Variants in ALDH6A1 observed in about 807,000 individuals in gnomAD.
The protein encoded by ALDH6A1 is aldehyde dehydrogenase 6 family member A1, also known as methylmalonate-semialdehyde/malonate-semialdehyde dehydrogenase [acylating], mitochondrial.
ALDH6A1 carries 43 observed loss-of-function variants against 62.6 expected under a neutral mutation model. The observed-to-expected ratio is 0.69, with a 90% CI of 0.54 to 0.89. The LOEUF (loss-of-function observed/expected upper bound fraction) is 0.89. Ranked by LOEUF, ALDH6A1 falls within the 40% of genes least tolerant of loss-of-function variation. The pLI, the probability that ALDH6A1 is intolerant of heterozygous loss-of-function variation, is 0.00. For missense variants in ALDH6A1, 551 were observed against 661.3 expected, an observed-to-expected ratio of 0.83 and a Z score of 1.83; for synonymous variants, 194 against 234.2, an observed-to-expected ratio of 0.83 and a Z score of 1.57.
At chr14:74,067,957 TG>T (rs2060494735) in intron 7 of ALDH6A1, among the ~76,000 whole-genome samples, 1 of 149,624 alleles carries the variant, frequency 6.7e-6, no homozygotes, top group South Asian at 2.1e-4. Context: ...AACAGGAATT[TG>T]TTGTCTGCTG....
At chr14:74,065,663 G>T in intron 9 of ALDH6A1, 3 of 318,912 alleles carry the variant, frequency 9.4e-6, no homozygotes, top group South Asian at 3.9e-5. Flanking sequence ...TGAACGACTA[G>T]TTTCATCCAA....
rs1246449149 is a variant in ALDH6A1 at position 74,071,438 on chromosome 14, T to C, written c.487A>G (p.Ile163Val). Reference protein sequence around the residue: ...SLMMGETMPSITKDMDLYSYR... With the variant: ...SLMMGETMPSVTKDMDLYSYR... ...GAATAAAGGTCCATGTCTTTGGTGA[T>C]GGATGGCATGGTCTCTCCCATCATG... is the stretch of plus-strand genomic sequence containing the variant. The change falls in exon 6 of 12, where the codon ATC (isoleucine) becomes GTC (valine). Residue 163 changes from isoleucine (I) to valine (V), a missense_variant. Ile to Val is a conservative substitution (Grantham distance 29). Transcript: ENST00000553458. 3.1e-6 allele frequency: 5 copies of C among 1,614,060 alleles called. No individual in the cohort carries two copies. The highest frequency in any genetic ancestry group is 4.2e-6 in the Non-Finnish European group (5 of 1,180,036).
At chr14:74,071,613 A>G in intron 5 of ALDH6A1, 116 bp from the exon 6 acceptor site, 2 of 1,584,322 alleles carry the variant, frequency 1.3e-6, no homozygotes, top group Admixed American at 1.8e-5. Flanking sequence ...GGTGCAGGGT[A>G]CACTGACTTG....
Position 74,057,166 on chromosome 14 carries a change from A to G in ALDH6A1, c.*3476T>C, listed in dbSNP as rs3742809. 315,455 of 1,612,108 alleles carry G rather than the reference A, an allele frequency of 0.2. 34,578 individuals carry two copies. Among genetic ancestry groups the G allele is most frequent in the South Asian group, 0.43 (39,267 of 90,972 alleles). On this transcript the variant is annotated 3_prime_UTR_variant, in exon 12 of 12. Transcript: ENST00000553458. ...CAGGGATGAAAGTAAGCTTCAAGAT[A>G]AAATCTTCATCACCCAGCAAATTGC... is the stretch of plus-strand genomic sequence containing the variant.
At chr14:74,075,707 A>C (rs2060605594) in intron 1 of ALDH6A1, among the ~76,000 whole-genome samples, 1 of 152,236 alleles carries the variant, frequency 6.6e-6, no homozygotes, top group South Asian at 2.1e-4. Context: ...GTATATAATC[A>C]ATGTAAATAT....
chr14:74,079,614 A>G, intron 1 of ALDH6A1, among the ~76,000 whole-genome samples: 1 of 151,240 alleles, frequency 6.6e-6, no homozygotes. Flanking sequence ...TTGTATTTTT[A>G]GTAGAGATGG....
chr14:74,065,029 C>T, intron 10 of ALDH6A1, 109 bp from the exon 11 acceptor site: 1 of 1,374,002 alleles, frequency 7.3e-7, no homozygotes, highest in South Asian at 1.2e-5. Flanking sequence ...ACCCTATCCT[C>T]TACCCCATGA....
chr14:74,075,371 A>C (rs928124465), intron 1 of ALDH6A1, among the ~76,000 whole-genome samples: 4 of 152,194 alleles, frequency 2.6e-5, no homozygotes, highest in African/African-American at 9.6e-5. Flanking sequence ...ATATAAAATC[A>C]ATGTGCTGGG....
chr14:74,077,964 G>A (rs1219966832), intron 1 of ALDH6A1, among the ~76,000 whole-genome samples: 2 of 152,146 alleles, frequency 1.3e-5, no homozygotes, highest in African/African-American at 2.4e-5. Flanking sequence ...TGTAAATAAC[G>A]GCACGGTGAT....
At chr14:74,066,367 C>T (rs2060465087) in intron 9 of ALDH6A1, among the ~76,000 whole-genome samples, 1 of 152,152 alleles carries the variant, frequency 6.6e-6, no homozygotes, top group South Asian at 2.1e-4. Context: ...ATATCAGTGT[C>T]CATAAATAAC....
rs958636681 is a variant in ALDH6A1, at chr14:74,074,003, T to A, written c.111+952A>T. On this transcript the variant is annotated intron_variant, in intron 2 of 11. Coordinates refer to ENST00000553458, the MANE Select transcript of ALDH6A1 (RefSeq NM_005589.4). Reference sequence around the variant, plus strand: ...CACTTTAACTAATTTTTTTTTTTTTTAACATAGAGTCTACTTTGTCACCCA... The same window carrying A: ...CACTTTAACTAATTTTTTTTTTTTTAAACATAGAGTCTACTTTGTCACCCA... Among the ~76,000 whole-genome samples the A allele has an allele frequency of 4.7e-4, 66 of 139,024 alleles. 1 individual carries two copies. The highest frequency in any genetic ancestry group is 6.2e-5 in the Non-Finnish European group (4 of 64,584). 91.2% of individuals were successfully genotyped at this position (139,024 alleles called of 152,430 possible).
At chr14:74,074,739 A>C (rs1183821055) in intron 2 of ALDH6A1, among the ~76,000 whole-genome samples, 3 of 152,218 alleles carry the variant, frequency 2.0e-5, no homozygotes, top group Non-Finnish European at 4.4e-5. Context: ...AGAAGAAGAC[A>C]ACTATCTGGC....
intron 6 of ALDH6A1, among the ~76,000 whole-genome samples, chr14:74,069,936 C>T (rs987550631): frequency 6.7e-6 from 1 of 148,838 alleles, no homozygotes; most frequent in African/African-American, 2.5e-5. Context: ...ACTGCAACCT[C>T]TGTTTGCCAG....
In ALDH6A1 at chr14:74,057,308, C is replaced by T; in HGVS notation, c.*3334G>A. On this transcript the variant is annotated 3_prime_UTR_variant, in exon 12 of 12. Coordinates refer to ENST00000553458, the MANE Select transcript of ALDH6A1 (RefSeq NM_005589.4). ...CAATGTATATTGTTGTCACCCTTCC[C>T]CATGTCGCTTCTTGCTAAATCACGG... is the stretch of plus-strand genomic sequence containing the variant. 6.2e-7 allele frequency: 1 copy of T among 1,612,316 alleles called. No individual in the cohort carries two copies. The highest frequency in any genetic ancestry group is 1.1e-5 in the South Asian group (1 of 90,774).
intron 11 of ALDH6A1, among the ~76,000 whole-genome samples, chr14:74,062,087 C>T (rs920588621): frequency 5.8e-4 from 69 of 118,824 alleles, no homozygotes; most frequent in Non-Finnish European, 1.0e-3. Context: ...AAAAGCTGGG[C>T]GTGGTGGAGC....
In ALDH6A1 at chr14:74,065,226, A is replaced by G. The variant is rs1316878470; in HGVS notation, c.1359T>C (p.Asn453=). Residue 453 remains asparagine (N), a synonymous_variant, in exon 10 of 12, where the codon AAT becomes AAC. Transcript: ENST00000553458. ...GGGCATATTTCCGAGCAGTGGCTCC[A>G]TTGGTGGTGAAGATGGCAGTTCCAT... ...YGNGTAIFTT[N]GATARKYAHL... 1.2e-6 allele frequency: 2 copies of G among 1,614,164 alleles called. No individual in the cohort carries two copies. Among genetic ancestry groups the G allele is most frequent in the South Asian group, 2.2e-5 (2 of 91,084 alleles).
In ALDH6A1 at chr14:74,084,391, C is replaced by T. The variant is rs980618974; in HGVS notation, c.4G>A (p.Ala2Thr). 6.2e-7 allele frequency: 1 copy of T among 1,613,506 alleles called. No homozygotes were observed. The highest frequency in any genetic ancestry group is 2.2e-5 in the East Asian group (1 of 44,870). ...ACTGCCGCCGCCGCCAATAGCGCCG[C>T]CATGGCTCTCGGCCGCCCTAGCTCC... M[A>T]ALLAAAAVRA... The change falls in exon 1 of 12, where the codon GCG becomes ACG. Residue 2 changes from alanine (A) to threonine (T), a missense_variant. Physicochemically the swap from Ala to Thr is moderately conservative, Grantham distance 58. Coordinates refer to ENST00000553458, the MANE Select transcript of ALDH6A1 (RefSeq NM_005589.4).
rs571618409 is a variant in ALDH6A1 at position 74,069,521 on chromosome 14, C to G, written c.731-540G>C. On this transcript the variant is annotated intron_variant, in intron 6 of 11. Coordinates refer to ENST00000553458, the MANE Select transcript of ALDH6A1 (RefSeq NM_005589.4). Reference sequence around the variant, plus strand: ...ATTCCAGCACTTTGGGAGGCCGAGGCAGGTGGATCACCTGAGGTCAGGAGT... The same window carrying G: ...ATTCCAGCACTTTGGGAGGCCGAGGGAGGTGGATCACCTGAGGTCAGGAGT... Among the ~76,000 whole-genome samples, 8 of 152,008 alleles carry G rather than the reference C, an allele frequency of 5.3e-5. No homozygotes were observed. The South Asian group carries it at 1.7e-3, about 32-fold the overall frequency.
intron 11 of ALDH6A1, among the ~76,000 whole-genome samples, chr14:74,061,885 C>G (rs2060349042): frequency 6.6e-6 from 1 of 151,758 alleles, no homozygotes; most frequent in Non-Finnish European, 1.5e-5. Context: ...TGACATTTTA[C>G]CAGATTACCA....
Sources: allele counts gnomAD v4.1 joint callset (sites outside exome capture counted in the v4.1 genomes callset), GRCh38; gene constraint gnomAD v4.1.1; transcripts MANE v1.5; gene names NCBI Gene and HGNC (gene_info 2026-07-23, HGNC 2026-07-21).